The following SPOCK3 variants were observed in gnomAD, a reference collection of about 807,000 sequenced individuals.
SPOCK3 encodes the protein testican-3.
A neutral mutation model predicts 56.6 loss-of-function variants in SPOCK3; 30 were observed. That is an observed-to-expected ratio of 0.53 (90% CI 0.40 to 0.72). The LOEUF (loss-of-function observed/expected upper bound fraction) is 0.72, where lower values mean the gene tolerates loss of function less well. SPOCK3 is among the 30% of genes least tolerant of loss of function. The pLI is 0.00. For missense variants in SPOCK3, 527 were observed against 530.0 expected (o/e 0.99, Z 0.06); for synonymous variants, 196 against 183.3 (o/e 1.07, Z -0.56).
chr4:166,980,186 C>G (rs1029295495), intron 4 of SPOCK3, among the ~76,000 whole-genome samples: 1 of 152,180 alleles, frequency 6.6e-6, no homozygotes, highest in African/African-American at 2.4e-5. Context: ...CTATTCTTCA[C>G]TTAAAGAAAA....
At chr4:167,101,144 T>C (rs376703499) in intron 2 of SPOCK3, among the ~76,000 whole-genome samples, 2 of 152,138 alleles carry the variant, frequency 1.3e-5, no homozygotes, top group South Asian at 2.1e-4. Flanking sequence ...CTGTTTTCTT[T>C]ATTACATTCT....
Position 166,890,323 on chromosome 4 carries a change from T to A in SPOCK3, c.475-1079A>T, listed in dbSNP as rs193016096. Among the ~76,000 whole-genome samples the A allele has an allele frequency of 1.1e-4, 16 of 152,036 alleles. No homozygotes were observed. The East Asian group carries it at 3.1e-3, about 29-fold the overall frequency. On this transcript the variant is annotated intron_variant, in intron 5 of 10. Transcript: ENST00000357545. ...CCTAAAAGTAACATTTAGGGCTAGTTGCTCAAATGCTCTCAGCCTCAATTT... is the reference window on the plus strand; with the variant it reads ...CCTAAAAGTAACATTTAGGGCTAGTAGCTCAAATGCTCTCAGCCTCAATTT...
At chr4:166,874,064 C>T (rs969209841) in intron 6 of SPOCK3, among the ~76,000 whole-genome samples, 23 of 151,994 alleles carry the variant, frequency 1.5e-4, no homozygotes, top group African/African-American at 5.6e-4. Context: ...GAAGTAGTGT[C>T]GCCATGCAGG....
intron 4 of SPOCK3, among the ~76,000 whole-genome samples, chr4:166,942,400 G>A (rs1467695706): frequency 2.7e-5 from 4 of 150,730 alleles, no homozygotes; most frequent in African/African-American, 9.8e-5. Context: ...TAGTAGAGAC[G>A]GGGTTTCATC....
intron 2 of SPOCK3, among the ~76,000 whole-genome samples, chr4:167,082,263 A>G (rs1757776332): frequency 6.6e-6 from 1 of 152,122 alleles, no homozygotes; most frequent in Non-Finnish European, 1.5e-5. Context: ...TAAGTTAGTC[A>G]TATGGTTGGA....
At chr4:166,874,028 T>C (rs1270658105) in intron 6 of SPOCK3, among the ~76,000 whole-genome samples, 1 of 152,158 alleles carries the variant, frequency 6.6e-6, no homozygotes, top group Non-Finnish European at 1.5e-5. Flanking sequence ...TGAAGATGCA[T>C]GTATAGCAAA....
At chr4:167,033,591 C>T (rs1752473734) in intron 3 of SPOCK3, among the ~76,000 whole-genome samples, 1 of 151,884 alleles carries the variant, frequency 6.6e-6, no homozygotes, top group Non-Finnish European at 1.5e-5. Context: ...TCAGTAAATA[C>T]ATGGCATGCA....
intron 2 of SPOCK3, among the ~76,000 whole-genome samples, chr4:167,184,171 CTT>C (rs1731749349): frequency 1.3e-5 from 2 of 152,160 alleles, no homozygotes; most frequent in African/African-American, 4.8e-5. Context: ...CCCTTTCACT[CTT>C]ATGCCTATTT....
At chr4:166,992,210 T>C in intron 4 of SPOCK3, among the ~76,000 whole-genome samples, 1 of 152,034 alleles carries the variant, frequency 6.6e-6, no homozygotes, top group Non-Finnish European at 1.5e-5. Flanking sequence ...CCTGGAAGTG[T>C]AGGAGTGGAA....
intron 3 of SPOCK3, among the ~76,000 whole-genome samples, chr4:167,034,472 GCA>G (rs1752554321): frequency 6.6e-6 from 1 of 151,996 alleles, no homozygotes; most frequent in Non-Finnish European, 1.5e-5. Flanking sequence ...AGATTTAAAA[GCA>G]CAGTTTGATA....
intron 7 of SPOCK3, among the ~76,000 whole-genome samples, chr4:166,785,489 T>A (rs1254600475): frequency 6.6e-6 from 1 of 152,140 alleles, no homozygotes; most frequent in African/African-American, 2.4e-5. Flanking sequence ...TTTGGTTGAT[T>A]AAAATCTCAG....
At chr4:167,181,204 C>A (rs1731424358) in intron 2 of SPOCK3, among the ~76,000 whole-genome samples, 1 of 152,118 alleles carries the variant, frequency 6.6e-6, no homozygotes, top group African/African-American at 2.4e-5. Context: ...GAACATCCTC[C>A]TTGAGTAATC....
chr4:166,835,114 G>T (rs893092168), intron 6 of SPOCK3, among the ~76,000 whole-genome samples: 1 of 151,828 alleles, frequency 6.6e-6, no homozygotes, highest in Non-Finnish European at 1.5e-5. Flanking sequence ...TAATAGTAAC[G>T]ATGTCTTACA....
chr4:166,882,577 C>T (rs772047419), intron 6 of SPOCK3, among the ~76,000 whole-genome samples: 54 of 152,130 alleles, frequency 3.5e-4, no homozygotes, highest in African/African-American at 2.2e-4. Context: ...TAAGTTTAAA[C>T]GTCCTTTAGT....
At chr4:166,909,788 T>A (rs1737055202) in intron 5 of SPOCK3, among the ~76,000 whole-genome samples, 1 of 152,182 alleles carries the variant, frequency 6.6e-6, no homozygotes, top group African/African-American at 2.4e-5. Flanking sequence ...TGACCTGTCA[T>A]AATTTGCAAG....
chr4:166,873,472 T>C (rs1206770157), intron 6 of SPOCK3, among the ~76,000 whole-genome samples: 1 of 152,068 alleles, frequency 6.6e-6, no homozygotes, highest in African/African-American at 2.4e-5. Flanking sequence ...ATGGAGGATG[T>C]TGATAATGGA....
intron 2 of SPOCK3, among the ~76,000 whole-genome samples, chr4:167,224,603 G>T (rs781715775): frequency 6.6e-6 from 1 of 151,928 alleles, no homozygotes; most frequent in Non-Finnish European, 1.5e-5. Context: ...GCTACCAAAT[G>T]TTCAAACTTA....
chr4:167,114,719 T>C (rs912268260), intron 2 of SPOCK3, among the ~76,000 whole-genome samples: 4 of 152,114 alleles, frequency 2.6e-5, no homozygotes, highest in Non-Finnish European at 4.4e-5. Context: ...CTCTGAGTAA[T>C]GCAGAACAAG....
rs2149996707 is a variant in SPOCK3 at position 166,931,098 on chromosome 4, C to T, written c.351-18355G>A. ...CCAGGTTCAAGCAATTCTCCTGCTT[C>T]AGCCTCCCGAGCAGCTGAGATGACA... On this transcript the variant is annotated intron_variant, in intron 4 of 10. Transcript: ENST00000357545. 2.0e-5 allele frequency among the ~76,000 whole-genome samples: 3 copies of T among 152,286 alleles called. No homozygotes were observed. The South Asian group carries it at 6.2e-4, about 32-fold the overall frequency.
Sources: allele counts gnomAD v4.1 joint callset (sites outside exome capture counted in the v4.1 genomes callset), GRCh38; gene constraint gnomAD v4.1.1; transcripts MANE v1.5; gene names NCBI Gene and HGNC (gene_info 2026-07-23, HGNC 2026-07-21).